The following CAMTA1 variants were observed in gnomAD, a reference collection of about 807,000 sequenced individuals.
The protein encoded by CAMTA1 is calmodulin-binding transcription activator 1.
A neutral mutation model predicts 170.9 loss-of-function variants in CAMTA1; 27 were observed. The observed-to-expected ratio is 0.16, with a 90% CI of 0.12 to 0.22. CAMTA1 has a LOEUF of 0.22. Ranked by LOEUF, CAMTA1 falls within the 10% of genes least tolerant of loss-of-function variation. The pLI, the probability that CAMTA1 is intolerant of heterozygous loss-of-function variation, is 1.00. For synonymous variants in CAMTA1, 833 were observed against 891.5 expected (o/e 0.93, Z 1.17); for missense variants, 1,619 against 2,217.2 (o/e 0.73, Z 5.42).
Position 7,681,002 on chromosome 1 carries a change from A to G in CAMTA1, c.2914+3269A>G, listed in dbSNP as rs1420445689. Among the ~76,000 whole-genome samples the G allele has an allele frequency of 6.6e-6, 1 of 151,826 alleles. No homozygotes were observed. The highest frequency in any genetic ancestry group is 1.5e-5 in the Non-Finnish European group (1 of 67,978). ...CCCACGTTGGGGCCGGGGGGCAGGG[A>G]CCCGACGTCCCCAAAATCTCAGCTG... On this transcript the variant is annotated intron_variant, in intron 11 of 22. Coordinates refer to ENST00000303635, the MANE Select transcript of CAMTA1 (RefSeq NM_015215.4). This position sits in a 1 kb window ranked among gnomAD's most constrained non-coding sequence, Gnocchi z 4.6.
chr1:7,404,494 C>T (rs755832415), intron 5 of CAMTA1, among the ~76,000 whole-genome samples: 4 of 152,250 alleles, frequency 2.6e-5, no homozygotes, highest in Non-Finnish European at 1.5e-5. Context: ...AGGAGAGTGG[C>T]CTGTTGCCAC....
rs775433901 is a variant in CAMTA1 at position 7,664,426 on chromosome 1, G to A, written c.1879G>A (p.Val627Ile). ...FLQDASKPLP[V>I]EQNTHSSLSD... Reference sequence around the variant, plus strand: ...GCAGGACGCCAGCAAACCCCTCCCCGTCGAGCAGAACACCCACAGCAGCCT... The same window carrying A: ...GCAGGACGCCAGCAAACCCCTCCCCATCGAGCAGAACACCCACAGCAGCCT... The change falls in exon 9 of 23, where the codon GTC becomes ATC. Residue 627 changes from valine (V) to isoleucine (I), a missense_variant. By Grantham distance (29) the Val-to-Ile change is conservative. Transcript: ENST00000303635. 61 of 1,613,270 alleles carry A rather than the reference G, an allele frequency of 3.8e-5. No homozygotes were observed. The highest frequency in any genetic ancestry group is 5.3e-5 in the African/African-American group (4 of 74,886).
intron 3 of CAMTA1, among the ~76,000 whole-genome samples, chr1:6,905,481 C>A (rs992317222): frequency 6.6e-6 from 1 of 152,118 alleles, no homozygotes; most frequent in Admixed American, 6.5e-5. Flanking sequence ...AGGCGCGAGC[C>A]ACTATGCCCG....
chr1:6,982,813 G>C (rs1460061307), intron 3 of CAMTA1, among the ~76,000 whole-genome samples: 3 of 152,004 alleles, frequency 2.0e-5, no homozygotes, highest in Non-Finnish European at 4.4e-5. Flanking sequence ...CCGTAGAGGG[G>C]TGGGGAGGGG....
chr1:7,267,721 G>C (rs1287653260), intron 5 of CAMTA1, among the ~76,000 whole-genome samples: 2 of 152,186 alleles, frequency 1.3e-5, no homozygotes, highest in South Asian at 4.1e-4. Context: ...GTCACATGCT[G>C]ATGAGTCATT....
intron 19 of CAMTA1, chr1:7,749,653 A>G: frequency 2.7e-6 from 1 of 376,368 alleles, no homozygotes; most frequent in South Asian, 2.0e-5. Flanking sequence ...GAAGGCATTA[A>G]TATAGCCAGG....
Position 7,663,757 on chromosome 1 carries a change from G to A in CAMTA1, c.1210G>A (p.Val404Ile), listed in dbSNP as rs2095980577. The change falls in exon 9 of 23, where the codon GTC becomes ATC. Residue 404 changes from valine to isoleucine, a missense_variant. Coordinates refer to ENST00000303635, the MANE Select transcript of CAMTA1 (RefSeq NM_015215.4). ...SQSATVFMSE[V>I]TNEAVYTMSP... Reference sequence around the variant, plus strand: ...GAGCGCCACGGTGTTCATGTCAGAGGTCACCAATGAGGCCGTGTACACCAT... The same window carrying A: ...GAGCGCCACGGTGTTCATGTCAGAGATCACCAATGAGGCCGTGTACACCAT... 6.2e-7 allele frequency: 1 copy of A among 1,614,066 alleles called. No individual in the cohort carries two copies. The highest frequency in any genetic ancestry group is 8.5e-7 in the Non-Finnish European group (1 of 1,179,990).
intron 6 of CAMTA1, among the ~76,000 whole-genome samples, chr1:7,568,547 TCAC>T (rs1375067045): frequency 6.2e-5 from 9 of 144,620 alleles, no homozygotes; most frequent in African/African-American, 2.4e-4. Context: ...ACCATCATCA[TCAC>T]CACATCACCA....
chr1:7,594,330 CAG>C (rs1038112836), intron 6 of CAMTA1, among the ~76,000 whole-genome samples: 5 of 152,006 alleles, frequency 3.3e-5, no homozygotes, highest in African/African-American at 9.7e-5. Flanking sequence ...ATGTTCCAGA[CAG>C]GGGGACCAGC....
chr1:7,276,292 TATATA>T (rs1172404762), intron 5 of CAMTA1, among the ~76,000 whole-genome samples: 23 of 47,790 alleles, frequency 4.8e-4, no homozygotes, highest in South Asian at 7.9e-4. Flanking sequence ...TATATATATA[TATATA>T]TATATATTTT....
chr1:7,168,236 C>T (rs1004045559), intron 4 of CAMTA1, among the ~76,000 whole-genome samples: 9 of 152,090 alleles, frequency 5.9e-5, no homozygotes, highest in African/African-American at 2.2e-4. Context: ...AATACTTTGC[C>T]TCTAGATTCT....
At chr1:7,574,897 A>T (rs1226021368) in intron 6 of CAMTA1, among the ~76,000 whole-genome samples, 6 of 152,052 alleles carry the variant, frequency 3.9e-5, no homozygotes, top group African/African-American at 1.4e-4. Flanking sequence ...CCGTGCCCCA[A>T]CCCCAGCCCA....
In CAMTA1 at chr1:7,251,426, G is replaced by A. The variant is rs1382145932; in HGVS notation, c.438+1800G>A. 2.0e-5 allele frequency among the ~76,000 whole-genome samples: 3 copies of A among 152,292 alleles called. No individual in the cohort carries two copies. In the East Asian group the frequency reaches 5.8e-4, roughly 29 times the overall value. Reference sequence around the variant, plus strand: ...TTCGGGAAAGGGAGACGGGCAGGATGGGGAGGGGTTTCCATGACCTCCTAA... The same window carrying A: ...TTCGGGAAAGGGAGACGGGCAGGATAGGGAGGGGTTTCCATGACCTCCTAA... On this transcript the variant is annotated intron_variant, in intron 5 of 22. Coordinates refer to ENST00000303635, the MANE Select transcript of CAMTA1 (RefSeq NM_015215.4). The surrounding 1 kb of genome is among the most constrained non-coding windows in gnomAD (Gnocchi z 5.1).
intron 5 of CAMTA1, among the ~76,000 whole-genome samples, chr1:7,263,602 G>A (rs943357792): frequency 6.6e-6 from 1 of 152,168 alleles, no homozygotes; most frequent in Admixed American, 6.5e-5. Flanking sequence ...CTGGTATTGA[G>A]TGCATAACCC....
At chr1:6,999,383 CATTT>C (rs913633885) in intron 3 of CAMTA1, among the ~76,000 whole-genome samples, 1 of 152,022 alleles carries the variant, frequency 6.6e-6, no homozygotes, top group Non-Finnish European at 1.5e-5. Context: ...CCTCGGGGAG[CATTT>C]ATTTATTTAT....
chr1:7,311,514 T>C (rs1045129943), intron 5 of CAMTA1, among the ~76,000 whole-genome samples: 1 of 152,374 alleles, frequency 6.6e-6, no homozygotes, highest in Non-Finnish European at 1.5e-5. Context: ...TGTTTACCCT[T>C]ACTTCTTGGA....
chr1:6,793,095 C>A (rs1000958975), intron 1 of CAMTA1, among the ~76,000 whole-genome samples: 4 of 152,030 alleles, frequency 2.6e-5, no homozygotes, highest in African/African-American at 9.7e-5. Flanking sequence ...TATATCTCCC[C>A]TACCTGCAAA....
At chr1:6,985,134 C>G (rs1019321255) in intron 3 of CAMTA1, among the ~76,000 whole-genome samples, 2 of 152,248 alleles carry the variant, frequency 1.3e-5, no homozygotes, top group Non-Finnish European at 2.9e-5. Flanking sequence ...GCCCGGGAAA[C>G]CTGCCCATTT....
In CAMTA1 at chr1:7,243,665, G is replaced by A. The variant is rs1039237812; in HGVS notation, c.303-5826G>A. On this transcript the variant is annotated intron_variant, in intron 4 of 22. Transcript: ENST00000303635. ...ATAGTTTGAAGTCAGGTAGCGTGACGCCTCCAGCTTTGTTCTTTTGGCTTA... is the reference window on the plus strand; with the variant it reads ...ATAGTTTGAAGTCAGGTAGCGTGACACCTCCAGCTTTGTTCTTTTGGCTTA... 5.3e-5 allele frequency among the ~76,000 whole-genome samples: 8 copies of A among 152,172 alleles called. No homozygotes were observed. In the East Asian group the frequency reaches 9.6e-4, roughly 18 times the overall value.
Sources: allele counts gnomAD v4.1 joint callset (sites outside exome capture counted in the v4.1 genomes callset), GRCh38; gene constraint gnomAD v4.1.1; non-coding constraint Gnocchi (gnomAD v3.1); transcripts MANE v1.5; gene names NCBI Gene and HGNC (gene_info 2026-07-23, HGNC 2026-07-21).